The following NRXN1 variants were observed in gnomAD, a reference collection of about 807,000 sequenced individuals.
The protein encoded by NRXN1 is neurexin-1.
A neutral mutation model predicts 150.9 loss-of-function variants in NRXN1; 39 were observed. That is an observed-to-expected ratio of 0.26 (90% CI 0.20 to 0.34). The LOEUF (loss-of-function observed/expected upper bound fraction) is 0.34. Among genes scored for constraint, NRXN1 ranks in the 10% least tolerant of loss-of-function variants. The pLI is 1.00. For synonymous variants in NRXN1, 924 were observed against 757.0 expected (o/e 1.22, Z -3.62); for missense variants, 1,815 against 1,949.9 (o/e 0.93, Z 1.30).
chr2:50,796,748 TCATAACAATCC>T (rs1235294329), intron 5 of NRXN1, among the ~76,000 whole-genome samples: 10 of 152,222 alleles, frequency 6.6e-5, no homozygotes, highest in African/African-American at 1.7e-4. Context: ...CTTTAATTTT[TCATAACAATCC>T]CATAAATTTA....
At chr2:50,616,029 T>C (rs1212888242) in intron 8 of NRXN1, 2 of 152,208 alleles carry the variant, frequency 1.3e-5, no homozygotes, top group African/African-American at 4.8e-5. Flanking sequence ...CTTCTAAGAA[T>C]TTCATAGGTA....
chr2:50,426,285 G>T (rs2084483662), intron 17 of NRXN1, among the ~76,000 whole-genome samples: 1 of 152,186 alleles, frequency 6.6e-6, no homozygotes, highest in African/African-American at 2.4e-5. Flanking sequence ...GTAACTGTAA[G>T]AGATTGTATA....
chr2:50,625,117 A>T (rs955644336), intron 5 of NRXN1: 19 of 152,020 alleles, frequency 1.2e-4, no homozygotes, highest in African/African-American at 4.3e-4. Flanking sequence ...ATACATCAGC[A>T]GGTGTTGCAT....
chr2:50,849,418 C>A lies in NRXN1; in HGVS notation c.832+72451G>T, dbSNP rs528444828. On this transcript the variant is annotated intron_variant, in intron 5 of 22. Coordinates refer to ENST00000401669, the MANE Select transcript of NRXN1 (RefSeq NM_001330078.2). ...GGAGCCATCCCTTTTGAAATAAAAT[C>A]TTCAGGAATGCTACTGTTACTATCT... 7.2e-5 allele frequency among the ~76,000 whole-genome samples: 11 copies of A among 152,302 alleles called. No individual in the cohort carries two copies. In the East Asian group the frequency reaches 2.1e-3, roughly 29 times the overall value.
At chr2:50,170,858 A>C (rs1039634047) in intron 18 of NRXN1, among the ~76,000 whole-genome samples, 2 of 151,304 alleles carry the variant, frequency 1.3e-5, no homozygotes, top group Non-Finnish European at 2.9e-5. Context: ...CTCTCAGTTG[A>C]AAATCTGTGC....
intron 22 of NRXN1, among the ~76,000 whole-genome samples, chr2:49,932,529 A>C (rs1670315680): frequency 6.6e-6 from 1 of 151,790 alleles, no homozygotes; most frequent in Non-Finnish European, 1.5e-5. Flanking sequence ...CCTCCTTTCC[A>C]AATTAATAGG....
At chr2:50,284,216 A>T (rs2071820599) in intron 17 of NRXN1, among the ~76,000 whole-genome samples, 1 of 152,178 alleles carries the variant, frequency 6.6e-6, no homozygotes, top group East Asian at 1.9e-4. Flanking sequence ...TAACAATAAC[A>T]TTTCAGTTCC....
chr2:50,508,659 C>T (rs1163635368), intron 12 of NRXN1, among the ~76,000 whole-genome samples: 2 of 151,962 alleles, frequency 1.3e-5, no homozygotes, highest in Admixed American at 6.6e-5. Context: ...AGGAAGCATA[C>T]ATAAGGGTGA....
At chr2:50,074,477 T>C (rs1399424337) in intron 19 of NRXN1, among the ~76,000 whole-genome samples, 1 of 152,166 alleles carries the variant, frequency 6.6e-6, no homozygotes, top group Non-Finnish European at 1.5e-5. Context: ...AAAATGGGGA[T>C]AATTTATGAG....
At chr2:50,942,781 A>G (rs567295965) in intron 2 of NRXN1, among the ~76,000 whole-genome samples, 1 of 152,258 alleles carries the variant, frequency 6.6e-6, no homozygotes, top group East Asian at 1.9e-4. Flanking sequence ...CTTGTCTCAG[A>G]TGAGACTTTG....
intron 8 of NRXN1, among the ~76,000 whole-genome samples, chr2:50,574,900 T>C (rs975239809): frequency 6.6e-6 from 1 of 152,206 alleles, no homozygotes; most frequent in Non-Finnish European, 1.5e-5. Flanking sequence ...AATGATGCTC[T>C]GTATCGTTTG....
rs537772430 is a variant in NRXN1, at chr2:50,798,725, G to A, written c.832+123144C>T. 3.3e-5 allele frequency among the ~76,000 whole-genome samples: 5 copies of A among 152,290 alleles called. No individual in the cohort carries two copies. The South Asian group carries it at 1.0e-3, about 32-fold the overall frequency. On this transcript the variant is annotated intron_variant, in intron 5 of 22. Coordinates refer to ENST00000401669, the MANE Select transcript of NRXN1 (RefSeq NM_001330078.2). ...GCTACTCTACTAAAGTCAATGCCGTGTCTCAAATGCTGCAAAATTACAGCA... is the reference window on the plus strand; with the variant it reads ...GCTACTCTACTAAAGTCAATGCCGTATCTCAAATGCTGCAAAATTACAGCA...
At chr2:49,950,901 A>G (rs1297149909) in intron 21 of NRXN1, among the ~76,000 whole-genome samples, 1 of 151,958 alleles carries the variant, frequency 6.6e-6, no homozygotes, top group African/African-American at 2.4e-5. Context: ...TTCTTTCCCA[A>G]TTGATGCCCT....
Position 50,010,987 on chromosome 2 carries a change from T to C in NRXN1, c.4128+42284A>G, listed in dbSNP as rs57467183. Among the ~76,000 whole-genome samples, 71 of 152,292 alleles carry C rather than the reference T, an allele frequency of 4.7e-4. 1 individual carries two copies. Among genetic ancestry groups the C allele is most frequent in the African/African-American group, 1.6e-3 (66 of 41,572 alleles). On this transcript the variant is annotated intron_variant, in intron 21 of 22. Coordinates refer to ENST00000401669, the MANE Select transcript of NRXN1 (RefSeq NM_001330078.2). The stretch of plus-strand genomic sequence containing the variant: ...CTCAAGATGGTCTCAATCAATAACT[T>C]TGCAACTACCAACTATTTGTTTTTC...
chr2:50,547,885 C>A (rs938970619), intron 9 of NRXN1, among the ~76,000 whole-genome samples: 1 of 152,004 alleles, frequency 6.6e-6, no homozygotes, highest in Non-Finnish European at 1.5e-5. Flanking sequence ...ACAGCTATAG[C>A]CAAGCAGAAT....
chr2:50,507,231 T>A (rs1011979632), intron 12 of NRXN1, among the ~76,000 whole-genome samples: 52 of 152,254 alleles, frequency 3.4e-4, no homozygotes, highest in African/African-American at 1.2e-3. Flanking sequence ...ATTTATGGAA[T>A]GTTGAGTCTA....
At chr2:50,164,256 A>T (rs1467392505) in intron 18 of NRXN1, among the ~76,000 whole-genome samples, 3 of 152,184 alleles carry the variant, frequency 2.0e-5, no homozygotes, top group Non-Finnish European at 4.4e-5. Context: ...CTGTTTCAGT[A>T]CAGAGACGGC....
intron 17 of NRXN1, among the ~76,000 whole-genome samples, chr2:50,340,432 C>G (rs1297694563): frequency 6.6e-6 from 1 of 152,072 alleles, no homozygotes; most frequent in East Asian, 1.9e-4. Flanking sequence ...TCCTTGAGAC[C>G]TCAGTTGCGA....
At chr2:49,987,554 C>T (rs1389776069) in intron 21 of NRXN1, among the ~76,000 whole-genome samples, 2 of 152,116 alleles carry the variant, frequency 1.3e-5, no homozygotes, top group African/African-American at 4.8e-5. Flanking sequence ...CCTGGAACCA[C>T]AGTGTACCTC....
Sources: allele counts gnomAD v4.1 joint callset (sites outside exome capture counted in the v4.1 genomes callset), GRCh38; gene constraint gnomAD v4.1.1; transcripts MANE v1.5; gene names NCBI Gene and HGNC (gene_info 2026-07-23, HGNC 2026-07-21).